Variants in FBXL13 observed in about 807,000 individuals in gnomAD.
FBXL13 encodes F-box and leucine-rich repeat protein 13.
FBXL13 carries 67 observed loss-of-function variants against 83.6 expected under a neutral mutation model. The observed-to-expected ratio is 0.80, with a 90% confidence interval of 0.66 to 0.98. FBXL13 has a LOEUF of 0.98. Among genes scored for constraint, FBXL13 ranks in the 50% least tolerant of loss-of-function variants. The pLI, the probability that FBXL13 is intolerant of heterozygous loss-of-function variation, is 0.00. For missense variants in FBXL13, 822 were observed against 866.5 expected, an observed-to-expected ratio of 0.95 and a Z score of 0.64; for synonymous variants, 272 against 299.5, an observed-to-expected ratio of 0.91 and a Z score of 0.95.
At chr7:103,050,452 T>C (rs984818536) in intron 2 of FBXL13, among the ~76,000 whole-genome samples, 1 of 152,138 alleles carries the variant, frequency 6.6e-6, no homozygotes, top group Non-Finnish European at 1.5e-5. Context: ...TGATAAAACA[T>C]AGACATTAGC....
chr7:103,068,101 G>A lies in FBXL13; in HGVS notation c.-105+6145C>T, dbSNP rs1057260799. ...AGTATGACCATAGAAGGACATGACT[G>A]AGGAACGGTGAAAGCAAAGATAACT... On this transcript the variant is annotated intron_variant, in intron 1 of 19. Coordinates refer to ENST00000313221, the Ensembl canonical transcript of FBXL13. 5.9e-5 allele frequency among the ~76,000 whole-genome samples: 9 copies of A among 152,330 alleles called. 1 individual carries two copies. The highest frequency in any genetic ancestry group is 2.0e-4 in the Admixed American group (3 of 15,298).
rs189857752 is a variant in FBXL13, at chr7:103,014,873, G to A, written c.495+10190C>T. Among the ~76,000 whole-genome samples, 771 of 132,160 alleles carry A rather than the reference G, an allele frequency of 5.8e-3. 6 individuals carry two copies. The highest frequency in any genetic ancestry group is 0.019 in the African/African-American group (681 of 35,262). The allele number at this position is 132,160 out of a possible 152,430, so 86.7% of individuals were successfully genotyped here. On this transcript the variant is annotated intron_variant, in intron 6 of 19. Transcript: ENST00000313221. The stretch of plus-strand genomic sequence containing the variant: ...CGGGGGGCGGAGCCTGCAGTGAGCC[G>A]AGATCACGCCACTGCACTCCAGCCT...
chr7:102,970,209 C>T (rs980867011), intron 6 of FBXL13, among the ~76,000 whole-genome samples: 2 of 151,934 alleles, frequency 1.3e-5, no homozygotes, highest in South Asian at 2.1e-4. Context: ...CATGGTCATG[C>T]GACTGCACTC....
chr7:103,006,338 A>G lies in FBXL13; in HGVS notation c.495+18725T>C, dbSNP rs148225531. Reference sequence around the variant, plus strand: ...GTATGCACAGAGTGAGACACCATGAAGCTGAACAAAAAATATCTACCAGGG... The same window carrying G: ...GTATGCACAGAGTGAGACACCATGAGGCTGAACAAAAAATATCTACCAGGG... On this transcript the variant is annotated intron_variant, in intron 6 of 19. Transcript: ENST00000313221. Among the ~76,000 whole-genome samples the G allele has an allele frequency of 3.7e-3, 563 of 152,336 alleles. 4 individuals carry two copies. The highest frequency in any genetic ancestry group is 0.013 in the African/African-American group (556 of 41,584).
At chr7:103,025,364 AAACTAT>A (rs1371479331) in intron 5 of FBXL13, 134 bp from the exon 7 acceptor site, 1 of 532,442 alleles carries the variant, frequency 1.9e-6, no homozygotes, top group African/African-American at 1.9e-5. Context: ...ATTACTACAT[AAACTAT>A]AATTTTTCAT....
chr7:103,018,097 G>T (rs1037856735), intron 6 of FBXL13, among the ~76,000 whole-genome samples: 1 of 152,168 alleles, frequency 6.6e-6, no homozygotes, highest in Non-Finnish European at 1.5e-5. Context: ...ACCCACAAAG[G>T]GAATCCCATC....
intron 8 of FBXL13, among the ~76,000 whole-genome samples, chr7:102,956,926 G>T (rs1321294550): frequency 2.6e-5 from 4 of 152,074 alleles, no homozygotes; most frequent in African/African-American, 9.7e-5. Flanking sequence ...TCATCGATAA[G>T]AACAATCAAT....
intron 16 of FBXL13, chr7:102,874,233 G>T: frequency 2.3e-6 from 1 of 441,342 alleles, no homozygotes; most frequent in Non-Finnish European, 3.0e-6. Context: ...AGTCAAATTT[G>T]CACTTACTCA....
chr7:102,902,865 T>C (rs1813138554), intron 11 of FBXL13, among the ~76,000 whole-genome samples: 1 of 152,126 alleles, frequency 6.6e-6, no homozygotes, highest in South Asian at 2.1e-4. Context: ...GTGATTCTTC[T>C]AGTTTTGTTC....
intron 6 of FBXL13, among the ~76,000 whole-genome samples, chr7:103,008,764 G>A (rs1057037415): frequency 1.3e-5 from 2 of 152,074 alleles, no homozygotes; most frequent in Non-Finnish European, 2.9e-5. Context: ...CACCATGTTG[G>A]GCAGGCTGGT....
At chr7:103,053,351 C>T (rs1022343008) in intron 2 of FBXL13, among the ~76,000 whole-genome samples, 2 of 151,932 alleles carry the variant, frequency 1.3e-5, no homozygotes, top group Non-Finnish European at 2.9e-5. Context: ...CAGGGTTTCA[C>T]CATGTTGGCC....
At chr7:103,064,568 T>C (rs991106870) in intron 1 of FBXL13, among the ~76,000 whole-genome samples, 2 of 152,238 alleles carry the variant, frequency 1.3e-5, no homozygotes, top group Non-Finnish European at 2.9e-5. Context: ...GAGATCCAAC[T>C]TGATCTGACT....
intron 8 of FBXL13, among the ~76,000 whole-genome samples, chr7:102,940,620 A>G (rs950585881): frequency 3.3e-5 from 5 of 152,232 alleles, no homozygotes; most frequent in African/African-American, 4.8e-5. Context: ...CACTAAGCTC[A>G]AATTAGGATA....
In FBXL13 at chr7:102,854,879, A is replaced by C. The variant is rs1005682837; in HGVS notation, c.1636-19T>G. The C allele has an allele frequency of 7.2e-6, 10 of 1,390,112 alleles. No homozygotes were observed. The highest frequency in any genetic ancestry group is 1.4e-5 in the African/African-American group (1 of 69,130). 86.1% of individuals were successfully genotyped at this position (1,390,112 alleles called of 1,614,324 possible). A position where few individuals can be genotyped will look rare whatever the true frequency, so the allele number is the denominator to read the frequency against. Reference sequence around the variant, plus strand: ...TCAAACCCTAAAAATATTTAATATAAAGATCATTTTGTGATTATCATTTAG... The same window carrying C: ...TCAAACCCTAAAAATATTTAATATACAGATCATTTTGTGATTATCATTTAG... On this transcript the variant is annotated intron_variant, in intron 16 of 19. Coordinates refer to ENST00000313221, the Ensembl canonical transcript of FBXL13.
At chr7:103,029,635 T>A (rs1794298357) in intron 2 of FBXL13, among the ~76,000 whole-genome samples, 1 of 152,122 alleles carries the variant, frequency 6.6e-6, no homozygotes, top group African/African-American at 2.4e-5. Flanking sequence ...AAATAACAGC[T>A]TAATATATTT....
At chr7:103,043,286 C>A (rs1182070541) in intron 2 of FBXL13, among the ~76,000 whole-genome samples, 3 of 152,190 alleles carry the variant, frequency 2.0e-5, no homozygotes, top group East Asian at 3.9e-4. Flanking sequence ...ATCTCATGCC[C>A]ATTAGAATGG....
At chr7:103,072,693 G>T (rs1050387286) in intron 1 of FBXL13, among the ~76,000 whole-genome samples, 11 of 152,106 alleles carry the variant, frequency 7.2e-5, no homozygotes, top group African/African-American at 2.2e-4. Flanking sequence ...TCCACTTTCT[G>T]ACCCCCACCT....
chr7:102,811,633 A>G (rs1797444201), downstream of FBXL13, among the ~76,000 whole-genome samples: 2 of 152,252 alleles, frequency 1.3e-5, no homozygotes, highest in African/African-American at 4.8e-5. Flanking sequence ...TAACCAGTGC[A>G]GGTGTCATTC....
At chr7:102,835,938 T>G (rs1801898261) in intron 17 of FBXL13, among the ~76,000 whole-genome samples, 2 of 152,124 alleles carry the variant, frequency 1.3e-5, no homozygotes, top group Non-Finnish European at 2.9e-5. Context: ...GTTAGAGACA[T>G]TAACATTGTT....
Sources: gnomAD v4.1 joint callset for allele counts (sites outside exome capture counted in the v4.1 genomes callset) on GRCh38, gnomAD v4.1.1 for gene constraint, MANE v1.5 for transcripts, NCBI Gene and HGNC (gene_info 2026-07-23, HGNC 2026-07-21) for gene names.